MAPKAP1: variants seen among roughly 807,000 people sequenced by gnomAD.
MAPKAP1 encodes the protein MAPK associated protein 1.
MAPKAP1 carries 20 observed loss-of-function variants against 65.7 expected under a neutral mutation model. The ratio of observed to expected loss-of-function variants is 0.30; its 90% CI spans 0.21 to 0.44. The LOEUF is 0.44. Among genes scored for constraint, MAPKAP1 ranks in the 20% least tolerant of loss-of-function variants. The probability of loss-of-function intolerance (pLI) is 1.00; values close to 1 mark genes in which losing one functional copy is unlikely to be tolerated. For missense variants in MAPKAP1, 423 were observed against 648.0 expected (o/e 0.65, Z 3.77); for synonymous variants, 222 against 244.3 (o/e 0.91, Z 0.85).
At chr9:125,619,239 C>T (rs1020939883) in intron 4 of MAPKAP1, among the ~76,000 whole-genome samples, 1 of 152,154 alleles carries the variant, frequency 6.6e-6, no homozygotes, top group Admixed American at 6.5e-5. Context: ...AGGGAGTTAA[C>T]ATTCCCCTAA....
rs1227323505 is a variant in MAPKAP1 at position 125,622,820 on chromosome 9, TC to T, written c.498+34830del. Among the ~76,000 whole-genome samples the T allele has an allele frequency of 8.4e-4, 128 of 151,728 alleles. 1 individual carries two copies. Among genetic ancestry groups the T allele is most frequent in the South Asian group, 2.3e-3 (11 of 4,780 alleles). On this transcript the variant is annotated intron_variant, in intron 4 of 11. Coordinates refer to ENST00000265960, the MANE Select transcript of MAPKAP1 (RefSeq NM_001006617.3). ...GCTCTCCCCTCTCCCCTCTCCCCTC[TC>T]CCCTCTCCGTCTCCCCAGTCTCCCT...
At chr9:125,678,156 T>C (rs942910182) in intron 1 of MAPKAP1, among the ~76,000 whole-genome samples, 2 of 152,152 alleles carry the variant, frequency 1.3e-5, no homozygotes, top group Admixed American at 6.5e-5. Flanking sequence ...AGGCTCAAGC[T>C]ATCTACCAGC....
chr9:125,664,145 G>A (rs1213189627), intron 3 of MAPKAP1, among the ~76,000 whole-genome samples: 12 of 151,832 alleles, frequency 7.9e-5, no homozygotes, highest in Admixed American at 5.2e-4. Flanking sequence ...TCAGGAGTTC[G>A]AGACCAGCCT....
intron 1 of MAPKAP1, among the ~76,000 whole-genome samples, chr9:125,677,918 A>AT (rs902870237): frequency 8.7e-5 from 13 of 149,956 alleles, no homozygotes; most frequent in East Asian, 3.9e-4. Context: ...AAATAACACA[A>AT]TTTTTTTTTT....
rs1564620117 is a variant in MAPKAP1 at position 125,693,668 on chromosome 9, T to TACGTATAC, written c.-70+13302_-70+13303insGTATACGT. On this transcript the variant is annotated intron_variant, in intron 1 of 11. Coordinates refer to ENST00000265960, the MANE Select transcript of MAPKAP1 (RefSeq NM_001006617.3). ...ATATACACGTATACATACACACACATATACACGTATATATACACGTATATA... is the reference window on the plus strand; with the variant it reads ...ATATACACGTATACATACACACACATACGTATACATACACGTATATATACACGTATATA... 6.2e-5 allele frequency among the ~76,000 whole-genome samples: 8 copies of TACGTATAC among 129,384 alleles called. 2 individuals are homozygous for TACGTATAC. The highest frequency in any genetic ancestry group is 2.2e-4 in the African/African-American group (8 of 35,616). 84.9% of individuals were successfully genotyped at this position (129,384 alleles called of 152,430 possible).
rs1370044041 is a variant in MAPKAP1 at position 125,624,372 on chromosome 9, C to T, written c.498+33279G>A. Among the ~76,000 whole-genome samples the T allele has an allele frequency of 3.0e-5, 2 of 67,126 alleles. 1 individual carries two copies. Among genetic ancestry groups the T allele is most frequent in the African/African-American group, 9.5e-5 (2 of 20,978 alleles). 44.0% of individuals were successfully genotyped at this position (67,126 alleles called of 152,430 possible). A position where few individuals can be genotyped will look rare whatever the true frequency, so the allele number is the denominator to read the frequency against. ...CCCCCGCCCGGCCAGCCGCCCCATC[C>T]GGGAGGGAGGTGGGGGGGTCGGCCC... is the stretch of plus-strand genomic sequence containing the variant. On this transcript the variant is annotated intron_variant, in intron 4 of 11. Transcript: ENST00000265960.
At chr9:125,611,973 G>C (rs904042429) in intron 4 of MAPKAP1, among the ~76,000 whole-genome samples, 1 of 152,128 alleles carries the variant, frequency 6.6e-6, no homozygotes, top group African/African-American at 2.4e-5. Context: ...TTGGGACCAG[G>C]AGTGTTTCAT....
chr9:125,595,799 G>T lies in MAPKAP1; in HGVS notation c.499-10072C>A. 1 of 1,158,358 alleles carries T rather than the reference G, an allele frequency of 8.6e-7. No individual in the cohort carries two copies. The highest frequency in any genetic ancestry group is 1.3e-6 in the Non-Finnish European group (1 of 781,382). 71.8% of individuals were successfully genotyped at this position (1,158,358 alleles called of 1,614,324 possible). A position where few individuals can be genotyped will look rare whatever the true frequency, so the allele number is the denominator to read the frequency against. On this transcript the variant is annotated intron_variant, in intron 4 of 11. Transcript: ENST00000265960. This position sits in a 1 kb window ranked among gnomAD's most constrained non-coding sequence, Gnocchi z 4.0. The stretch of plus-strand genomic sequence containing the variant: ...ATGGGGAACGCTCCCAGACTGTGTG[G>T]TAATGAAAGATTCCAACACCAAGCG...
intron 4 of MAPKAP1, among the ~76,000 whole-genome samples, chr9:125,605,768 T>C (rs1451527844): frequency 6.6e-6 from 1 of 152,144 alleles, no homozygotes; most frequent in African/African-American, 2.4e-5. Context: ...AAGGAAACAA[T>C]GGAACAACAA....
Position 125,468,970 on chromosome 9 carries a change from C to T in MAPKAP1, c.1208-861G>A, listed in dbSNP as rs145489808. Among the ~76,000 whole-genome samples, 495 of 152,312 alleles carry T rather than the reference C, an allele frequency of 3.2e-3. 5 individuals are homozygous for T. The highest frequency in any genetic ancestry group is 0.022 in the South Asian group (104 of 4,822). On this transcript the variant is annotated intron_variant, in intron 9 of 11. Transcript: ENST00000265960. ...TGTGGAAATGCACAGCAACCGCTTT[C>T]TCAGTACTGCAGAGGAGTACATGCT...
intron 4 of MAPKAP1, among the ~76,000 whole-genome samples, chr9:125,597,182 G>A (rs1388429411): frequency 2.0e-5 from 3 of 148,674 alleles, no homozygotes; most frequent in Non-Finnish European, 3.0e-5. Context: ...GGAGAATGGC[G>A]TGAACCCAGG....
chr9:125,555,450 C>T (rs1020699543), intron 6 of MAPKAP1, among the ~76,000 whole-genome samples: 4 of 152,096 alleles, frequency 2.6e-5, no homozygotes, highest in East Asian at 1.9e-4. Flanking sequence ...TCTGTGCTGC[C>T]GCACTTAGAG....
intron 1 of MAPKAP1, among the ~76,000 whole-genome samples, chr9:125,684,938 G>A (rs577209552): frequency 6.4e-4 from 98 of 152,306 alleles, no homozygotes; most frequent in Non-Finnish European, 1.1e-3. Flanking sequence ...CTCCCAGGGC[G>A]TTGGGATTAC....
chr9:125,668,921 C>T (rs1341358291), intron 3 of MAPKAP1, among the ~76,000 whole-genome samples: 18 of 151,474 alleles, frequency 1.2e-4, no homozygotes, highest in African/African-American at 9.7e-5. Flanking sequence ...CAGTGGCTCA[C>T]GCCTATAATC....
At chr9:125,690,746 A>G (rs1835142057) in intron 1 of MAPKAP1, among the ~76,000 whole-genome samples, 1 of 152,218 alleles carries the variant, frequency 6.6e-6, no homozygotes, top group Non-Finnish European at 1.5e-5. Flanking sequence ...TAGAAGACAC[A>G]GCATCGGACA....
At chr9:125,513,164 CTCCT>C (rs1829357884) in intron 7 of MAPKAP1, 1 of 152,292 alleles carries the variant, frequency 6.6e-6, no homozygotes, top group Non-Finnish European at 1.5e-5. Flanking sequence ...CCATATCAGC[CTCCT>C]GAGGAGCTGG....
At chr9:125,616,080 A>G (rs1425040952) in intron 4 of MAPKAP1, among the ~76,000 whole-genome samples, 1 of 152,132 alleles carries the variant, frequency 6.6e-6, no homozygotes, top group Non-Finnish European at 1.5e-5. Flanking sequence ...AGCAGCACAA[A>G]CATAGGGAAA....
rs569773315 is a variant in MAPKAP1, at chr9:125,456,136, C to T, written c.1346-11538G>A. ...AACTATTCTTATCTTGGTTTCTCTA[C>T]GTAATATGTCTTCTTCGGCTGCTTT... On this transcript the variant is annotated intron_variant, in intron 10 of 11. Coordinates refer to ENST00000265960, the MANE Select transcript of MAPKAP1 (RefSeq NM_001006617.3). Among the ~76,000 whole-genome samples, 12 of 130,898 alleles carry T rather than the reference C, an allele frequency of 9.2e-5. 1 individual carries two copies. In the South Asian group the frequency reaches 2.7e-3, roughly 29 times the overall value. The allele number at this position is 130,898 out of a possible 152,430, so 85.9% of individuals were successfully genotyped here.
intron 5 of MAPKAP1, among the ~76,000 whole-genome samples, chr9:125,577,869 C>T (rs527743156): frequency 4.7e-5 from 7 of 148,174 alleles, no homozygotes; most frequent in South Asian, 2.2e-4. Context: ...CGCCTCTGCC[C>T]GGCCGCCCCT....
Sources: allele counts gnomAD v4.1 joint callset (sites outside exome capture counted in the v4.1 genomes callset), GRCh38; gene constraint gnomAD v4.1.1; non-coding constraint Gnocchi (gnomAD v3.1); transcripts MANE v1.5; gene names NCBI Gene and HGNC (gene_info 2026-07-23, HGNC 2026-07-21).